Variants in SNX9 observed in about 807,000 individuals in gnomAD.
SNX9 encodes the protein sorting nexin 9.
SNX9 carries 44 observed loss-of-function variants against 89.4 expected under a neutral mutation model. The observed-to-expected ratio is 0.49, with a 90% confidence interval of 0.39 to 0.63. SNX9 has a LOEUF of 0.63. Among genes scored for constraint, SNX9 ranks in the 30% least tolerant of loss-of-function variants. The pLI is 0.00. For synonymous variants in SNX9, 236 were observed against 247.8 expected, an observed-to-expected ratio of 0.95 and a Z score of 0.45; for missense variants, 578 against 736.1, an observed-to-expected ratio of 0.79 and a Z score of 2.49.
intron 1 of SNX9, among the ~76,000 whole-genome samples, chr6:157,846,756 GTTC>G (rs1466529191): frequency 6.6e-6 from 1 of 152,128 alleles, no homozygotes; most frequent in Admixed American, 6.5e-5. Context: ...ATAAGAAAAG[GTTC>G]TTCTTGGCGG....
chr6:157,844,587 G>GTTTTTTTTTTTTTTTTTTTTTT (rs1177648226), intron 1 of SNX9, among the ~76,000 whole-genome samples: 7 of 130,304 alleles, frequency 5.4e-5, no homozygotes, highest in East Asian at 2.2e-4. Flanking sequence ...GCTAATCCTT[G>GTTTTTTTTTTTTTTTTTTTTTT]TTTTTTTTTT....
chr6:157,888,780 G>T (rs1336427427), intron 4 of SNX9, among the ~76,000 whole-genome samples: 4 of 152,162 alleles, frequency 2.6e-5, no homozygotes, highest in South Asian at 2.1e-4. Context: ...TCTTCTTGGG[G>T]CATGGTGATG....
In SNX9 at chr6:157,852,994, TTTTG is replaced by T. The variant is rs955170493; in HGVS notation, c.13-14533_13-14530del. 2.6e-4 allele frequency among the ~76,000 whole-genome samples: 40 copies of T among 152,194 alleles called. 1 individual carries two copies. Among genetic ancestry groups the T allele is most frequent in the African/African-American group, 5.8e-4 (24 of 41,508 alleles). ...TTCAGAAAAATTAAATGGTGAGTTTTTTTGTTTGTTTGTTTGTTTGTTTTGCATG... is the reference window on the plus strand; with the variant it reads ...TTCAGAAAAATTAAATGGTGAGTTTTTTTGTTTGTTTGTTTGTTTTGCATG... On this transcript the variant is annotated intron_variant, in intron 1 of 17. Transcript: ENST00000392185.
Position 157,942,778 on chromosome 6 carries a change from G to C in SNX9, c.1741-13G>C, listed in dbSNP as rs1245954127. ...TGATATCTCAACGTTGTTTTGTTTT[G>C]CTTTCTTGTCAGATTGCAGAAAAGC... On this transcript the variant is annotated splice_polypyrimidine_tract_variant and intron_variant, in intron 17 of 17. Transcript: ENST00000392185. 3 of 1,613,762 alleles carry C rather than the reference G, an allele frequency of 1.9e-6. No individual in the cohort carries two copies. The highest frequency in any genetic ancestry group is 2.2e-5 in the East Asian group (1 of 44,854).
At chr6:157,890,749 G>A (rs971295026) in intron 4 of SNX9, among the ~76,000 whole-genome samples, 1 of 152,214 alleles carries the variant, frequency 6.6e-6, no homozygotes, top group Admixed American at 6.5e-5. Context: ...TTCTAATGGA[G>A]CTCAGACGAG....
At chr6:157,895,459 A>G (rs1782959091) in intron 4 of SNX9, among the ~76,000 whole-genome samples, 1 of 152,186 alleles carries the variant, frequency 6.6e-6, no homozygotes, top group Non-Finnish European at 1.5e-5. Context: ...CTGTCCGATC[A>G]CATGGTATTA....
At chr6:157,873,574 AT>A (rs1583211152) in intron 3 of SNX9, among the ~76,000 whole-genome samples, 1 of 144,874 alleles carries the variant, frequency 6.9e-6, no homozygotes, top group African/African-American at 2.6e-5. Context: ...ATATATTTAT[AT>A]TTTTATAAGC....
chr6:157,910,969 C>T (rs1233924698), intron 9 of SNX9, among the ~76,000 whole-genome samples: 3 of 151,976 alleles, frequency 2.0e-5, no homozygotes, highest in Non-Finnish European at 2.9e-5. Flanking sequence ...AAAAATTAGC[C>T]CGGTGTGGTG....
intron 2 of SNX9, 56 bp from the exon 3 acceptor site, chr6:157,873,046 C>A: frequency 2.1e-6 from 3 of 1,429,084 alleles, no homozygotes; most frequent in South Asian, 2.9e-5. Context: ...AAAATTTCTC[C>A]AGGAAATCTC....
intron 1 of SNX9, chr6:157,830,345 C>T (rs1781457262): frequency 6.6e-6 from 1 of 152,194 alleles, no homozygotes; most frequent in Non-Finnish European, 1.5e-5. Context: ...GCATTTTCTC[C>T]TAGTACAATG....
chr6:157,878,526 G>A (rs1040163966), intron 4 of SNX9, among the ~76,000 whole-genome samples: 2 of 150,884 alleles, frequency 1.3e-5, no homozygotes, highest in African/African-American at 4.9e-5. Context: ...GCCTCCTCCT[G>A]GGTTCAAATG....
chr6:157,846,112 G>A (rs572706018), intron 1 of SNX9, among the ~76,000 whole-genome samples: 1 of 152,180 alleles, frequency 6.6e-6, no homozygotes, highest in South Asian at 2.1e-4. Flanking sequence ...CTCTGCCTTC[G>A]CATCTGATGC....
intron 12 of SNX9, among the ~76,000 whole-genome samples, chr6:157,929,318 T>C (rs1425347622): frequency 6.6e-6 from 1 of 152,168 alleles, no homozygotes; most frequent in Non-Finnish European, 1.5e-5. Context: ...GATAGAAAAA[T>C]AGTCCCGTAT....
intron 9 of SNX9, among the ~76,000 whole-genome samples, chr6:157,912,415 T>C (rs1783366828): frequency 2.1e-5 from 3 of 144,454 alleles, no homozygotes; most frequent in Non-Finnish European, 3.1e-5. Context: ...ATACTAAGAT[T>C]TGTTTAAAAA....
intron 10 of SNX9, among the ~76,000 whole-genome samples, chr6:157,924,069 A>T (rs1259395028): frequency 6.6e-6 from 1 of 152,140 alleles, no homozygotes; most frequent in African/African-American, 2.4e-5. Flanking sequence ...GTGGTGGCAC[A>T]CACCTGTAAT....
At chr6:157,832,312 C>T (rs1781493102) in intron 1 of SNX9, among the ~76,000 whole-genome samples, 1 of 152,206 alleles carries the variant, frequency 6.6e-6, no homozygotes, top group Admixed American at 6.5e-5. Flanking sequence ...CCGTTGTCAT[C>T]CACAACTCAT....
At chr6:157,940,578 C>T (rs111632202) in intron 16 of SNX9, among the ~76,000 whole-genome samples, 9 of 152,260 alleles carry the variant, frequency 5.9e-5, no homozygotes, top group African/African-American at 1.7e-4. Flanking sequence ...TTGCCATGCC[C>T]GGCTAATTTT....
intron 12 of SNX9, among the ~76,000 whole-genome samples, chr6:157,929,332 G>C (rs1783761127): frequency 6.6e-6 from 1 of 152,216 alleles, no homozygotes; most frequent in Non-Finnish European, 1.5e-5. Context: ...CCCGTATCCA[G>C]CTGTAGGGCT....
At chr6:157,915,654 T>TATATATATATATAC (rs1783450735) in intron 9 of SNX9, among the ~76,000 whole-genome samples, 1 of 122,594 alleles carries the variant, frequency 8.2e-6, no homozygotes, top group African/African-American at 3.3e-5. Flanking sequence ...TATATATATA[T>TATATATATATATAC]ATACACACAC....
Sources: gnomAD v4.1 joint callset for allele counts (sites outside exome capture counted in the v4.1 genomes callset) on GRCh38, gnomAD v4.1.1 for gene constraint, MANE v1.5 for transcripts, NCBI Gene and HGNC (gene_info 2026-07-23, HGNC 2026-07-21) for gene names.